ARNT2: variants seen among roughly 807,000 people sequenced by gnomAD.
ARNT2 encodes aryl hydrocarbon receptor nuclear translocator 2.
Under a neutral mutation model 91.7 loss-of-function variants are expected in ARNT2, and 36 were observed. The observed-to-expected ratio is 0.39, with a 90% CI of 0.30 to 0.52. The LOEUF (loss-of-function observed/expected upper bound fraction) is 0.52. ARNT2 is among the 20% of genes least tolerant of loss of function. ARNT2 has a pLI of 0.72. For synonymous variants in ARNT2, 365 were observed against 347.1 expected (o/e 1.05, Z -0.57); for missense variants, 775 against 939.3 (o/e 0.83, Z 2.29).
intron 1 of ARNT2, among the ~76,000 whole-genome samples, chr15:80,415,910 G>C (rs980633163): frequency 6.6e-6 from 1 of 152,162 alleles, no homozygotes; most frequent in Non-Finnish European, 1.5e-5. Context: ...TTGAGCTCAA[G>C]ACCTCCAAGG....
At chr15:80,416,530 A>G (rs1352942341) in intron 1 of ARNT2, among the ~76,000 whole-genome samples, 2 of 152,144 alleles carry the variant, frequency 1.3e-5, no homozygotes, top group African/African-American at 4.8e-5. Flanking sequence ...AAAAAAAATG[A>G]TTTTTCAAGT....
chr15:80,404,641 G>C lies in ARNT2; in HGVS notation c.31+95G>C. The C allele has an allele frequency of 1.2e-6, 1 of 853,708 alleles. No individual in the cohort carries two copies. Among genetic ancestry groups the C allele is most frequent in the Non-Finnish European group, 1.4e-6 (1 of 705,060 alleles). 52.9% of individuals were successfully genotyped at this position (853,708 alleles called of 1,614,324 possible). On this transcript the variant is annotated intron_variant, in intron 1 of 18. Coordinates refer to ENST00000303329, the MANE Select transcript of ARNT2 (RefSeq NM_014862.4). This position sits in a 1 kb window ranked among gnomAD's most constrained non-coding sequence, Gnocchi z 5.5. ...GCGCGCCGGGCGCCCCCGGGGGCGCGGAGCCGCAGCTCGGCGCGGTGGGTG... is the reference window on the plus strand; with the variant it reads ...GCGCGCCGGGCGCCCCCGGGGGCGCCGAGCCGCAGCTCGGCGCGGTGGGTG...
At chr15:80,583,209 C>A (rs1332740948) in intron 17 of ARNT2, among the ~76,000 whole-genome samples, 3 of 152,228 alleles carry the variant, frequency 2.0e-5, no homozygotes, top group Non-Finnish European at 4.4e-5. Context: ...TGGCTGCAGG[C>A]CAGGACAGTC....
intron 11 of ARNT2, among the ~76,000 whole-genome samples, chr15:80,560,668 C>T (rs1030085157): frequency 1.3e-5 from 2 of 152,320 alleles, no homozygotes; most frequent in East Asian, 1.9e-4. Flanking sequence ...GGTTTCAAAA[C>T]GTGGACAGTG....
At chr15:80,478,503 A>T (rs985103164) in intron 5 of ARNT2, among the ~76,000 whole-genome samples, 6 of 152,340 alleles carry the variant, frequency 3.9e-5, no homozygotes, top group Admixed American at 3.9e-4. Flanking sequence ...GTCCTCCAAG[A>T]TGCCAGAGAA....
chr15:80,455,418 G>A (rs1327535971), intron 2 of ARNT2, among the ~76,000 whole-genome samples: 1 of 152,076 alleles, frequency 6.6e-6, no homozygotes, highest in Non-Finnish European at 1.5e-5. Context: ...AGTTCCCGGC[G>A]GACTTCAGAA....
chr15:80,502,562 G>A (rs577128448), intron 5 of ARNT2, among the ~76,000 whole-genome samples: 1 of 152,322 alleles, frequency 6.6e-6, no homozygotes, highest in African/African-American at 2.4e-5. Context: ...GTGTCATGCA[G>A]GAGTCGGGTT....
intron 8 of ARNT2, among the ~76,000 whole-genome samples, chr15:80,526,988 C>G (rs1483122170): frequency 6.6e-6 from 1 of 152,228 alleles, no homozygotes; most frequent in Non-Finnish European, 1.5e-5. Flanking sequence ...CCATCCCACC[C>G]TGCCCATGTG....
At chr15:80,561,606 G>C (rs988059444) in intron 11 of ARNT2, among the ~76,000 whole-genome samples, 2 of 152,144 alleles carry the variant, frequency 1.3e-5, no homozygotes, top group Non-Finnish European at 2.9e-5. Flanking sequence ...ATATTAAATG[G>C]AAAATTCCAG....
chr15:80,487,333 C>T (rs1896992351), intron 5 of ARNT2, among the ~76,000 whole-genome samples: 1 of 152,182 alleles, frequency 6.6e-6, no homozygotes, highest in East Asian at 1.9e-4. Context: ...AATCCAGAGC[C>T]GAGGTCAGGG....
chr15:80,547,913 A>T (rs1199912561), intron 8 of ARNT2, among the ~76,000 whole-genome samples: 1 of 152,206 alleles, frequency 6.6e-6, no homozygotes, highest in African/African-American at 2.4e-5. Flanking sequence ...TGGGTAAAAG[A>T]TCTATCTAAA....
chr15:80,590,513 G>A (rs912262402), intron 17 of ARNT2, among the ~76,000 whole-genome samples: 1 of 152,200 alleles, frequency 6.6e-6, no homozygotes, highest in African/African-American at 2.4e-5. Context: ...CAGAGCAGGG[G>A]GACTGCATGA....
intron 17 of ARNT2, 61 bp downstream of exon 17, chr15:80,581,465 C>T (rs1333448372): frequency 6.3e-7 from 1 of 1,599,350 alleles, no homozygotes. Flanking sequence ...TTCTGAACAG[C>T]CTGAATTCAG....
chr15:80,453,398 A>G (rs191987510), intron 2 of ARNT2, among the ~76,000 whole-genome samples: 1 of 152,278 alleles, frequency 6.6e-6, no homozygotes, highest in Admixed American at 6.5e-5. Context: ...CACACAAACC[A>G]TGATTCCACT....
At chr15:80,541,589 G>T (rs1265255840) in intron 8 of ARNT2, among the ~76,000 whole-genome samples, 1 of 152,040 alleles carries the variant, frequency 6.6e-6, no homozygotes, top group Non-Finnish European at 1.5e-5. Context: ...GTGTTTCCTA[G>T]GATTTTCTTC....
intron 1 of ARNT2, among the ~76,000 whole-genome samples, chr15:80,439,214 G>A (rs1896146846): frequency 6.6e-6 from 1 of 152,102 alleles, no homozygotes; most frequent in Non-Finnish European, 1.5e-5. Flanking sequence ...ACATTTGAAA[G>A]TGAACATGCG....
intron 10 of ARNT2, 51 bp downstream of exon 10, chr15:80,552,825 T>C (rs759473109): frequency 7.6e-6 from 12 of 1,588,998 alleles, no homozygotes; most frequent in Non-Finnish European, 1.0e-5. Flanking sequence ...TTTAATTGTT[T>C]TTAAAACATT....
chr15:80,484,608 T>C (rs1896939058), intron 5 of ARNT2, among the ~76,000 whole-genome samples: 1 of 152,278 alleles, frequency 6.6e-6, no homozygotes, highest in Non-Finnish European at 1.5e-5. Context: ...TGTGTTTTTT[T>C]CTCATATTTT....
intron 11 of ARNT2, among the ~76,000 whole-genome samples, chr15:80,560,941 C>T (rs1272585187): frequency 1.3e-5 from 2 of 152,216 alleles, no homozygotes; most frequent in South Asian, 4.1e-4. Flanking sequence ...ATCTGACATC[C>T]GCAGGCTCAG....
Sources: gnomAD v4.1 joint callset for allele counts (sites outside exome capture counted in the v4.1 genomes callset) on GRCh38, gnomAD v4.1.1 for gene constraint, Gnocchi (gnomAD v3.1) non-coding constraint, MANE v1.5 for transcripts, NCBI Gene and HGNC (gene_info 2026-07-23, HGNC 2026-07-21) for gene names.